The following GRIP1 variants were observed in gnomAD, a reference collection of about 807,000 sequenced individuals.
GRIP1 encodes the protein glutamate receptor interacting protein 1, also known as glutamate receptor-interacting protein 1.
GRIP1 carries 45 observed loss-of-function variants against 129.9 expected under a neutral mutation model. The ratio of observed to expected loss-of-function variants is 0.35; its 90% CI spans 0.27 to 0.44. The LOEUF (loss-of-function observed/expected upper bound fraction) is 0.44, where lower values mean the gene tolerates loss of function less well. Ranked by LOEUF, GRIP1 falls within the 20% of genes least tolerant of loss-of-function variation. GRIP1 has a pLI of 1.00. For missense variants in GRIP1, 1,196 were observed against 1,396.8 expected, an observed-to-expected ratio of 0.86 and a Z score of 2.29; for synonymous variants, 530 against 520.8, an observed-to-expected ratio of 1.02 and a Z score of -0.24.
At chr12:67,034,153 G>T (rs1222797622) in intron 1 of GRIP1, among the ~76,000 whole-genome samples, 7 of 152,126 alleles carry the variant, frequency 4.6e-5, no homozygotes, top group African/African-American at 1.4e-4. Context: ...AACCAACAAA[G>T]AACTTAATTA....
intron 1 of GRIP1, among the ~76,000 whole-genome samples, chr12:66,857,063 G>A (rs1238348463): frequency 3.3e-5 from 5 of 152,124 alleles, no homozygotes; most frequent in Non-Finnish European, 7.3e-5. Flanking sequence ...ATGAGTTCGT[G>A]TCCTTTGTAG....
chr12:66,550,088 G>C (rs751257298), intron 2 of GRIP1, among the ~76,000 whole-genome samples: 1 of 151,956 alleles, frequency 6.6e-6, no homozygotes, highest in Non-Finnish European at 1.5e-5. Flanking sequence ...TTTAAAATAT[G>C]GCAATACGAG....
chr12:66,554,975 C>G (rs918140209), intron 2 of GRIP1, among the ~76,000 whole-genome samples: 2 of 152,132 alleles, frequency 1.3e-5, no homozygotes, highest in Admixed American at 1.3e-4. Context: ...AACTCTCTAC[C>G]CTGAAGGGAA....
intron 1 of GRIP1, among the ~76,000 whole-genome samples, chr12:67,021,329 T>C (rs1482778385): frequency 1.3e-5 from 2 of 152,134 alleles, no homozygotes; most frequent in Non-Finnish European, 1.5e-5. Context: ...AAAAGATCTG[T>C]TTGCATTTCT....
At chr12:66,518,694 G>T (rs1555199342) in intron 5 of GRIP1, among the ~76,000 whole-genome samples, 1 of 152,050 alleles carries the variant, frequency 6.6e-6, no homozygotes, top group Non-Finnish European at 1.5e-5. Context: ...ACGCGTGCTG[G>T]CCTACTTACT....
chr12:66,417,448 C>T (rs918534712), intron 15 of GRIP1, among the ~76,000 whole-genome samples: 2 of 152,074 alleles, frequency 1.3e-5, no homozygotes, highest in South Asian at 4.1e-4. Flanking sequence ...CTAGAGCAAT[C>T]CCACAAGGGA....
In GRIP1 at chr12:66,821,593, T is replaced by C. The variant is rs1041644385; in HGVS notation, c.59-224666A>G. ...TTGTCAATGCAATTTAGTTGAAGTT[T>C]ATATTTTAATTTTTAGTGGCATTAA... is the stretch of plus-strand genomic sequence containing the variant. On this transcript the variant is annotated intron_variant, in intron 1 of 1. Transcript: ENST00000643019. Among the ~76,000 whole-genome samples the C allele has an allele frequency of 2.6e-5, 4 of 152,342 alleles. No individual in the cohort carries two copies. In the East Asian group the frequency reaches 5.8e-4, roughly 22 times the overall value.
chr12:66,445,531 C>T, intron 11 of GRIP1, 23 bp from the exon 12 acceptor site: 1 of 1,587,376 alleles, frequency 6.3e-7, no homozygotes, highest in African/African-American at 1.3e-5. Context: ...ACAGAAAATA[C>T]TGACTTTAGG....
Position 66,678,967 on chromosome 12 carries a change from G to C in GRIP1, c.-63C>G. On this transcript the variant is annotated 5_prime_UTR_variant, in exon 1 of 25. Coordinates refer to ENST00000359742, the MANE Select transcript of GRIP1 (RefSeq NM_001366722.1). ...GCTCTCTGCTCTGGTGGCTGCAGCA[G>C]CAGCAGCATATGAATTCCTTGCGCA... 1 of 1,611,520 alleles carries C rather than the reference G, an allele frequency of 6.2e-7. No homozygotes were observed. The highest frequency in any genetic ancestry group is 8.5e-7 in the Non-Finnish European group (1 of 1,178,568).
chr12:66,859,060 T>C (rs540778821), intron 1 of GRIP1, among the ~76,000 whole-genome samples: 2 of 151,976 alleles, frequency 1.3e-5, no homozygotes, highest in South Asian at 4.2e-4. Context: ...TATTTTTTCC[T>C]AACAATTTCT....
At chr12:66,578,436 A>G (rs2063227147) in intron 2 of GRIP1, among the ~76,000 whole-genome samples, 1 of 152,098 alleles carries the variant, frequency 6.6e-6, no homozygotes. Context: ...ACCGTGCGCG[A>G]GCCAAAGCAG....
chr12:67,064,641 GT>G (rs2043590532), intron 1 of GRIP1, among the ~76,000 whole-genome samples: 1 of 152,198 alleles, frequency 6.6e-6, no homozygotes, highest in Admixed American at 6.5e-5. Flanking sequence ...TGTTAAGGAG[GT>G]TGTGGGTGGG....
chr12:66,725,444 T>C (rs1407009982), intron 1 of GRIP1, among the ~76,000 whole-genome samples: 1 of 152,200 alleles, frequency 6.6e-6, no homozygotes, highest in Non-Finnish European at 1.5e-5. Flanking sequence ...TTTTGTTGTT[T>C]TATATATAAA....
chr12:67,014,983 T>G (rs928831926), intron 1 of GRIP1, among the ~76,000 whole-genome samples: 41 of 152,220 alleles, frequency 2.7e-4, no homozygotes, highest in Admixed American at 4.6e-4. Context: ...GTAAAATAAG[T>G]GAAGAAATAA....
In GRIP1 at chr12:66,581,076, A is replaced by C. The variant is rs577193034; in HGVS notation, c.136+15771T>G. On this transcript the variant is annotated intron_variant, in intron 2 of 24. Coordinates refer to ENST00000359742, the MANE Select transcript of GRIP1 (RefSeq NM_001366722.1). ...AAACTGTCAGACCACAGTGCAATCA[A>C]ACTAGAACTCAGGATTAAGTAACTC... 3.4e-3 allele frequency among the ~76,000 whole-genome samples: 511 copies of C among 152,362 alleles called. 1 individual carries two copies. Among genetic ancestry groups the C allele is most frequent in the African/African-American group, 0.012 (495 of 41,574 alleles).
At chr12:66,564,905 G>T (rs1196461257) in intron 2 of GRIP1, among the ~76,000 whole-genome samples, 1 of 152,212 alleles carries the variant, frequency 6.6e-6, no homozygotes, top group Non-Finnish European at 1.5e-5. Flanking sequence ...TCATGTGCCT[G>T]TTGGCTACAG....
At chr12:66,484,306 C>T (rs955899244) in intron 7 of GRIP1, among the ~76,000 whole-genome samples, 1 of 152,138 alleles carries the variant, frequency 6.6e-6, no homozygotes, top group Non-Finnish European at 1.5e-5. Flanking sequence ...ATTATAATTG[C>T]TATATTGTAT....
chr12:67,016,510 T>C (rs2042789642), intron 1 of GRIP1, among the ~76,000 whole-genome samples: 1 of 152,118 alleles, frequency 6.6e-6, no homozygotes, highest in South Asian at 2.1e-4. Flanking sequence ...GAAAACAGAC[T>C]CAAAGAAGCT....
intron 9 of GRIP1, among the ~76,000 whole-genome samples, chr12:66,462,074 C>A (rs961911875): frequency 8.5e-5 from 13 of 152,148 alleles, no homozygotes; most frequent in African/African-American, 2.9e-4. Flanking sequence ...GGTATAAACA[C>A]CCAGCAAATG....
Sources: gnomAD v4.1 joint callset for allele counts (sites outside exome capture counted in the v4.1 genomes callset) on GRCh38, gnomAD v4.1.1 for gene constraint, MANE v1.5 for transcripts, NCBI Gene and HGNC (gene_info 2026-07-23, HGNC 2026-07-21) for gene names.